The following PLPPR4 variants were observed in gnomAD, a reference collection of about 807,000 sequenced individuals.
The protein encoded by PLPPR4 is phospholipid phosphatase-related protein type 4.
A neutral mutation model predicts 56.6 loss-of-function variants in PLPPR4; 24 were observed. That is an observed-to-expected ratio of 0.42 (90% CI 0.31 to 0.60). PLPPR4 has a LOEUF of 0.60. PLPPR4 is among the 20% of genes least tolerant of loss of function. The pLI is 0.13. For synonymous variants in PLPPR4, 326 were observed against 328.1 expected (o/e 0.99, Z 0.07); for missense variants, 654 against 885.8 (o/e 0.74, Z 3.32).
At chr1:99,282,529 A>C (rs1194010366) in intron 1 of PLPPR4, among the ~76,000 whole-genome samples, 1 of 152,078 alleles carries the variant, frequency 6.6e-6, no homozygotes, top group Non-Finnish European at 1.5e-5. Flanking sequence ...CAGCCTTCTA[A>C]ATTTTTACCC....
chr1:99,270,840 G>GCC (rs1374052436), intron 1 of PLPPR4, among the ~76,000 whole-genome samples: 1 of 152,084 alleles, frequency 6.6e-6, no homozygotes, highest in African/African-American at 2.4e-5. Flanking sequence ...TTCAAACCCT[G>GCC]CCAAATGAGA....
chr1:99,279,852 A>T (rs1012130489), intron 1 of PLPPR4, among the ~76,000 whole-genome samples: 1 of 152,322 alleles, frequency 6.6e-6, no homozygotes, highest in East Asian at 1.9e-4. Context: ...ATTAAAGTAG[A>T]TAATTAGGAT....
At chr1:99,283,733 C>T (rs1465234643) in intron 1 of PLPPR4, among the ~76,000 whole-genome samples, 1 of 152,118 alleles carries the variant, frequency 6.6e-6, no homozygotes, top group Non-Finnish European at 1.5e-5. Context: ...GGCGGATCAC[C>T]GAGGTCAGGA....
chr1:99,285,216 G>A (rs944048441), intron 1 of PLPPR4, among the ~76,000 whole-genome samples: 1 of 152,112 alleles, frequency 6.6e-6, no homozygotes, highest in Non-Finnish European at 1.5e-5. Context: ...CCTGCAAAAT[G>A]AGGATACTGA....
intron 1 of PLPPR4, among the ~76,000 whole-genome samples, chr1:99,279,357 T>A (rs555537773): frequency 6.6e-6 from 1 of 152,284 alleles, no homozygotes; most frequent in South Asian, 2.1e-4. Flanking sequence ...ATACTTTATA[T>A]TAGAAATCAT....
chr1:99,266,293 T>C (rs758816234), intron 1 of PLPPR4, among the ~76,000 whole-genome samples: 7 of 152,198 alleles, frequency 4.6e-5, no homozygotes, highest in Non-Finnish European at 7.3e-5. Context: ...GAGTTCCATC[T>C]CCAGGAAGGA....
chr1:99,285,806 A>G (rs1659449233), intron 1 of PLPPR4, among the ~76,000 whole-genome samples: 1 of 152,198 alleles, frequency 6.6e-6, no homozygotes, highest in African/African-American at 2.4e-5. Context: ...AATAAATATT[A>G]TATCCTCCAA....
intron 2 of PLPPR4, among the ~76,000 whole-genome samples, chr1:99,291,321 C>T (rs865832534): frequency 1.3e-5 from 2 of 151,998 alleles, no homozygotes; most frequent in Non-Finnish European, 2.9e-5. Flanking sequence ...GAAAAAGGAA[C>T]GCTTATACAC....
At chr1:99,288,178 A>C in intron 2 of PLPPR4, 28 bp downstream of exon 2, 1 of 1,605,736 alleles carries the variant, frequency 6.2e-7, no homozygotes, top group South Asian at 1.1e-5. Context: ...AATTGTGTTT[A>C]TCTGTCCTGG....
chr1:99,307,258 T>A lies in PLPPR4; in HGVS notation c.*248T>A, dbSNP rs1660054922. On this transcript the variant is annotated 3_prime_UTR_variant, in exon 7 of 7. Transcript: ENST00000370185. ...TTTTCTTAAGACCTGTCGTCAAACT[T>A]AAAAGGTTTTGCAGAGGGCAGTATC... The A allele has an allele frequency of 2.2e-6, 1 of 457,386 alleles. No homozygotes were observed. Among genetic ancestry groups the A allele is most frequent in the South Asian group, 5.2e-5 (1 of 19,250 alleles). The allele number at this position is 457,386 out of a possible 1,614,324, so 28.3% of individuals were successfully genotyped here.
chr1:99,265,259 T>TA (rs200931567), intron 1 of PLPPR4, among the ~76,000 whole-genome samples: 3,950 of 151,826 alleles, frequency 0.026, 165 homozygotes, highest in African/African-American at 0.087. Context: ...CTTTCCACAG[T>TA]AAAAAATACA....
intron 1 of PLPPR4, among the ~76,000 whole-genome samples, chr1:99,269,997 TTG>T (rs10612152): frequency 0.25 from 33,042 of 134,166 alleles, 4,171 homozygotes; most frequent in Non-Finnish European, 0.3. Context: ...TTCATTCCTT[TTG>T]TGTGTGTGTG....
intron 1 of PLPPR4, among the ~76,000 whole-genome samples, chr1:99,284,980 A>G (rs1659426832): frequency 1.3e-5 from 2 of 152,200 alleles, no homozygotes; most frequent in South Asian, 4.1e-4. Flanking sequence ...AAAAAGAAGT[A>G]CTAGGGGATT....
chr1:99,305,743 A>G lies in PLPPR4; in HGVS notation c.881A>G (p.Asp294Gly). The G allele has an allele frequency of 6.2e-7, 1 of 1,613,888 alleles. No individual in the cohort carries two copies. Among genetic ancestry groups the G allele is most frequent in the Non-Finnish European group, 8.5e-7 (1 of 1,179,946 alleles). Residue 294 changes from aspartate (D) to glycine (G), a missense_variant, in exon 7 of 7, where the codon GAC (aspartate) becomes GGC (glycine). By Grantham distance (94) the Asp-to-Gly change is moderately conservative (BLOSUM62 -1). Coordinates refer to ENST00000370185, the MANE Select transcript of PLPPR4 (RefSeq NM_014839.5). ...GATGAGAGTATGTTTCAGCACAGAG[A>G]CGCCCTCAGGTCTCTGACAGACCTC... ...PSDESMFQHR[D>G]ALRSLTDLNQ...
chr1:99,301,054 TA>T, intron 5 of PLPPR4, 88 bp downstream of exon 5: 1 of 1,142,962 alleles, frequency 8.7e-7, no homozygotes, highest in Non-Finnish European at 1.3e-6. Flanking sequence ...TTGGATGATA[TA>T]ACCATGTAAT....
At chr1:99,265,039 CG>C (rs1658855518) in intron 1 of PLPPR4, among the ~76,000 whole-genome samples, 1 of 152,094 alleles carries the variant, frequency 6.6e-6, no homozygotes, top group East Asian at 1.9e-4. Context: ...TTCAACCTGC[CG>C]AGTACGTGTC....
intron 3 of PLPPR4, among the ~76,000 whole-genome samples, chr1:99,297,579 G>A (rs1008910019): frequency 2.6e-5 from 4 of 151,904 alleles, no homozygotes; most frequent in Admixed American, 2.6e-4. Flanking sequence ...CAATAAGTCC[G>A]CATAAAGTTA....
intron 1 of PLPPR4, among the ~76,000 whole-genome samples, chr1:99,279,173 T>A (rs960998347): frequency 6.6e-6 from 1 of 152,176 alleles, no homozygotes; most frequent in African/African-American, 2.4e-5. Flanking sequence ...TTCTCTGCTC[T>A]CAAGGATCTT....
In PLPPR4 at chr1:99,307,584, T is replaced by A. The variant is rs1402851145; in HGVS notation, c.*574T>A. The A allele has an allele frequency of 6.6e-6, 1 of 152,578 alleles. No homozygotes were observed. Among genetic ancestry groups the A allele is most frequent in the Non-Finnish European group, 1.5e-5 (1 of 68,324 alleles). 9.5% of individuals were successfully genotyped at this position (152,578 alleles called of 1,614,324 possible). On this transcript the variant is annotated 3_prime_UTR_variant, in exon 7 of 7. Coordinates refer to ENST00000370185, the MANE Select transcript of PLPPR4 (RefSeq NM_014839.5). Reference sequence around the variant, plus strand: ...TATTAAGAAGATGCTGGCTGCTTTGTGTTAGAATAGGACACCCCGCAGCTT... The same window carrying A: ...TATTAAGAAGATGCTGGCTGCTTTGAGTTAGAATAGGACACCCCGCAGCTT...
Sources: allele counts gnomAD v4.1 joint callset (sites outside exome capture counted in the v4.1 genomes callset), GRCh38; gene constraint gnomAD v4.1.1; transcripts MANE v1.5; gene names NCBI Gene and HGNC (gene_info 2026-07-23, HGNC 2026-07-21).